The following GPC5 variants were observed in gnomAD, a reference collection of about 807,000 sequenced individuals.
GPC5 encodes glypican 5, also known as glypican-5.
A neutral mutation model predicts 53.9 loss-of-function variants in GPC5; 47 were observed. The ratio of observed to expected loss-of-function variants is 0.87; its 90% confidence interval spans 0.69 to 1.11. The LOEUF is 1.11. GPC5 is among the 50% of genes most tolerant of loss of function. GPC5 has a pLI of 0.00. For synonymous variants in GPC5, 286 were observed against 263.3 expected, an observed-to-expected ratio of 1.09 and a Z score of -0.84; for missense variants, 748 against 713.1, an observed-to-expected ratio of 1.05 and a Z score of -0.56.
intron 6 of GPC5, among the ~76,000 whole-genome samples, chr13:91,957,976 C>G (rs1402709678): frequency 6.6e-6 from 1 of 151,824 alleles, no homozygotes; most frequent in East Asian, 1.9e-4. Context: ...AAAAGATAAA[C>G]AAAACAACCA....
At chr13:91,552,581 T>G (rs1855908) in intron 2 of GPC5, among the ~76,000 whole-genome samples, 130,761 of 151,994 alleles carry the variant, frequency 0.86, 57,629 homozygotes, top group East Asian at 1. Flanking sequence ...ATCCCTTATG[T>G]GAAACGAAGG....
intron 7 of GPC5, among the ~76,000 whole-genome samples, chr13:92,674,983 G>A (rs1886887173): frequency 2.0e-5 from 3 of 152,098 alleles, no homozygotes; most frequent in African/African-American, 7.2e-5. Flanking sequence ...ACCCTAAGGT[G>A]AGTATGCAGT....
chr13:92,834,060 T>C (rs978592254), intron 7 of GPC5, among the ~76,000 whole-genome samples: 2 of 152,042 alleles, frequency 1.3e-5, no homozygotes, highest in African/African-American at 4.8e-5. Flanking sequence ...TGGATTAGGG[T>C]AATGGCAGTA....
intron 3 of GPC5, among the ~76,000 whole-genome samples, chr13:91,724,381 G>T (rs1026377690): frequency 1.3e-5 from 2 of 152,082 alleles, no homozygotes; most frequent in African/African-American, 4.8e-5. Flanking sequence ...CCAAGGGACT[G>T]TGAAGTGAGC....
intron 5 of GPC5, among the ~76,000 whole-genome samples, chr13:91,852,934 C>A (rs1290120886): frequency 6.6e-6 from 1 of 152,074 alleles, no homozygotes; most frequent in Admixed American, 6.6e-5. Context: ...CTAGGACAGG[C>A]ACCATTCTAG....
intron 2 of GPC5, among the ~76,000 whole-genome samples, chr13:91,634,428 AAC>A (rs2034236021): frequency 6.6e-6 from 1 of 152,060 alleles, no homozygotes; most frequent in South Asian, 2.1e-4. Flanking sequence ...TTTGTGAAAG[AAC>A]AGTTTCTTTT....
intron 7 of GPC5, among the ~76,000 whole-genome samples, chr13:92,832,658 T>A (rs1478293936): frequency 2.6e-5 from 4 of 152,104 alleles, no homozygotes; most frequent in Admixed American, 2.6e-4. Flanking sequence ...TACCTCCTCA[T>A]TTACTCCAAC....
intron 5 of GPC5, among the ~76,000 whole-genome samples, chr13:91,858,525 A>T (rs2038991501): frequency 6.6e-6 from 1 of 152,034 alleles, no homozygotes; most frequent in Admixed American, 6.6e-5. Flanking sequence ...CCACTTGGTC[A>T]TGATGAATGA....
chr13:92,271,803 T>C (rs1218879155), intron 7 of GPC5, among the ~76,000 whole-genome samples: 1 of 152,144 alleles, frequency 6.6e-6, no homozygotes, highest in Non-Finnish European at 1.5e-5. Flanking sequence ...GGAAAGAAAT[T>C]ACACTGCAGA....
intron 7 of GPC5, among the ~76,000 whole-genome samples, chr13:92,632,702 G>A (rs1313763664): frequency 6.6e-6 from 1 of 151,682 alleles, no homozygotes; most frequent in Admixed American, 6.6e-5. Context: ...ATTTCCTCAC[G>A]GCTGATAAAG....
chr13:92,864,689 G>A (rs965949463), intron 7 of GPC5, among the ~76,000 whole-genome samples: 5 of 151,722 alleles, frequency 3.3e-5, no homozygotes, highest in Admixed American at 1.3e-4. Flanking sequence ...ATAAAAAAGG[G>A]AATCACTAGT....
At chr13:92,710,992 C>T (rs1888119116) in intron 7 of GPC5, among the ~76,000 whole-genome samples, 2 of 152,054 alleles carry the variant, frequency 1.3e-5, no homozygotes, top group African/African-American at 4.8e-5. Flanking sequence ...ACTAATTATG[C>T]TGTAGTTAAA....
chr13:91,620,872 A>G (rs1566559262), intron 2 of GPC5, among the ~76,000 whole-genome samples: 1 of 152,068 alleles, frequency 6.6e-6, no homozygotes, highest in Non-Finnish European at 1.5e-5. Flanking sequence ...GCTATATTAG[A>G]TCCTAAAGAT....
chr13:92,142,958 TG>T (rs2041842080), intron 6 of GPC5, among the ~76,000 whole-genome samples: 1 of 152,184 alleles, frequency 6.6e-6, no homozygotes, highest in Non-Finnish European at 1.5e-5. Context: ...TCAATTAATG[TG>T]TTCTGGATAT....
At chr13:92,332,223 G>C (rs1170272768) in intron 7 of GPC5, among the ~76,000 whole-genome samples, 1 of 152,072 alleles carries the variant, frequency 6.6e-6, no homozygotes, top group Non-Finnish European at 1.5e-5. Flanking sequence ...TCCTAGGTTA[G>C]GCAGGATATA....
intron 6 of GPC5, among the ~76,000 whole-genome samples, chr13:91,909,883 A>AG (rs1284990002): frequency 6.6e-6 from 1 of 152,072 alleles, no homozygotes; most frequent in Non-Finnish European, 1.5e-5. Context: ...AGCCTTTTCA[A>AG]GGGGGCAGAG....
Position 92,385,363 on chromosome 13 carries a change from CATATATAT to C in GPC5, c.1561+240376_1561+240383del, listed in dbSNP as rs71882570. 1.7e-4 allele frequency among the ~76,000 whole-genome samples: 16 copies of C among 92,168 alleles called. 1 individual carries two copies. Among genetic ancestry groups the C allele is most frequent in the Admixed American group, 2.6e-4 (2 of 7,778 alleles). The allele number at this position is 92,168 out of a possible 152,430, so 60.5% of individuals were successfully genotyped here. On this transcript the variant is annotated intron_variant, in intron 7 of 7. Coordinates refer to ENST00000377067, the MANE Select transcript of GPC5 (RefSeq NM_004466.6). ...ATATATATACATATATACATATATA[CATATATAT>C]ACATATATACATATATATACATATA...
At chr13:92,742,975 A>G (rs9523801) in intron 7 of GPC5, among the ~76,000 whole-genome samples, 63,681 of 151,358 alleles carry the variant, frequency 0.42, 14,215 homozygotes, top group East Asian at 0.87. Context: ...TGCTGTTTTC[A>G]TTACTGTAGC....
chr13:92,208,558 T>C (rs2042353351), intron 7 of GPC5, among the ~76,000 whole-genome samples: 1 of 152,130 alleles, frequency 6.6e-6, no homozygotes, highest in Non-Finnish European at 1.5e-5. Flanking sequence ...TTATTAGGCT[T>C]AAAAATAAAA....
Sources: allele counts gnomAD v4.1 joint callset (sites outside exome capture counted in the v4.1 genomes callset), GRCh38; gene constraint gnomAD v4.1.1; transcripts MANE v1.5; gene names NCBI Gene and HGNC (gene_info 2026-07-23, HGNC 2026-07-21).